TOX: variants seen among roughly 807,000 people sequenced by gnomAD.
TOX encodes thymocyte selection associated high mobility group box.
A neutral mutation model predicts 53.7 loss-of-function variants in TOX; 11 were observed. The ratio of observed to expected loss-of-function variants is 0.20; its 90% confidence interval spans 0.13 to 0.34. TOX has a LOEUF of 0.34. Among genes scored for constraint, TOX ranks in the 10% least tolerant of loss-of-function variants. TOX has a pLI of 1.00. For missense variants in TOX, 570 were observed against 664.6 expected, an observed-to-expected ratio of 0.86 and a Z score of 1.56; for synonymous variants, 225 against 245.3, an observed-to-expected ratio of 0.92 and a Z score of 0.77.
intron 2 of TOX, among the ~76,000 whole-genome samples, chr8:58,955,303 T>C (rs1048011319): frequency 1.8e-4 from 28 of 152,026 alleles, no homozygotes; most frequent in Admixed American, 1.6e-3. Context: ...GGGTTTACTA[T>C]AATGCTCATA....
chr8:58,866,385 T>G (rs980848940), intron 3 of TOX, among the ~76,000 whole-genome samples: 5 of 152,224 alleles, frequency 3.3e-5, no homozygotes, highest in African/African-American at 1.2e-4. Context: ...ATTACCAGAC[T>G]GATAAGCCTC....
intron 1 of TOX, among the ~76,000 whole-genome samples, chr8:58,960,966 T>C (rs1225015785): frequency 2.0e-5 from 3 of 152,232 alleles, no homozygotes; most frequent in Non-Finnish European, 2.9e-5. Context: ...TATACTTTCA[T>C]TGGTGGACTA....
At chr8:58,999,798 T>C (rs561648197) in intron 1 of TOX, among the ~76,000 whole-genome samples, 2 of 152,234 alleles carry the variant, frequency 1.3e-5, no homozygotes, top group East Asian at 3.9e-4. Context: ...TAGAGAAAAT[T>C]AGGTTTATTA....
intron 1 of TOX, among the ~76,000 whole-genome samples, chr8:59,011,398 T>C (rs567396991): frequency 3.3e-5 from 5 of 152,332 alleles, no homozygotes; most frequent in East Asian, 1.9e-4. Context: ...CATGCCAGGC[T>C]CACTCTCTAA....
At chr8:58,966,341 G>A (rs1448204044) in intron 1 of TOX, among the ~76,000 whole-genome samples, 1 of 152,204 alleles carries the variant, frequency 6.6e-6, no homozygotes. Context: ...AGAAAAGAAA[G>A]CGGAGTTACT....
intron 3 of TOX, among the ~76,000 whole-genome samples, chr8:58,907,654 G>T (rs572348123): frequency 1.3e-5 from 2 of 152,216 alleles, no homozygotes; most frequent in South Asian, 4.2e-4. Context: ...CAAGCATGAA[G>T]GCACATACAA....
chr8:58,843,278 C>T (rs1810674256), intron 4 of TOX, among the ~76,000 whole-genome samples: 1 of 152,188 alleles, frequency 6.6e-6, no homozygotes. Flanking sequence ...CTAAAGGATA[C>T]ACATAAAATA....
intron 1 of TOX, among the ~76,000 whole-genome samples, chr8:59,108,053 A>G (rs1366155735): frequency 1.1e-4 from 17 of 152,174 alleles, no homozygotes; most frequent in Admixed American, 1.0e-3. Context: ...AAGTACTCCT[A>G]TTCATTTACT....
intron 3 of TOX, among the ~76,000 whole-genome samples, chr8:58,871,426 T>C (rs1250980216): frequency 6.6e-6 from 1 of 152,100 alleles, no homozygotes; most frequent in Non-Finnish European, 1.5e-5. Flanking sequence ...TTTAGGACAT[T>C]GGGGGAATCT....
At chr8:58,826,256 A>G (rs1810364694) in intron 6 of TOX, among the ~76,000 whole-genome samples, 1 of 152,230 alleles carries the variant, frequency 6.6e-6, no homozygotes, top group Non-Finnish European at 1.5e-5. Context: ...TACCTTCTGA[A>G]GAATTCCATA....
At chr8:58,884,792 T>C (rs921792805) in intron 3 of TOX, among the ~76,000 whole-genome samples, 9 of 152,164 alleles carry the variant, frequency 5.9e-5, no homozygotes, top group Non-Finnish European at 1.3e-4. Flanking sequence ...TTAAATTTCT[T>C]TTAGCTTTAC....
chr8:59,093,005 T>G (rs1317784203), intron 1 of TOX, among the ~76,000 whole-genome samples: 2 of 151,942 alleles, frequency 1.3e-5, no homozygotes, highest in Non-Finnish European at 2.9e-5. Context: ...GCAAGGGGGA[T>G]CCCAACACCA....
At chr8:58,865,867 C>T (rs1454872965) in intron 3 of TOX, among the ~76,000 whole-genome samples, 11 of 55,810 alleles carry the variant, frequency 2.0e-4, no homozygotes, top group Non-Finnish European at 2.1e-4. Flanking sequence ...CAGAGTCTCA[C>T]TCTGTCGTCC....
intron 3 of TOX, among the ~76,000 whole-genome samples, chr8:58,915,262 C>G (rs1337093580): frequency 7.1e-6 from 1 of 141,842 alleles, no homozygotes; most frequent in Non-Finnish European, 1.5e-5. Flanking sequence ...CACAGACAAA[C>G]AAAAAGACAG....
intron 1 of TOX, among the ~76,000 whole-genome samples, chr8:59,098,971 G>C (rs1283248515): frequency 2.0e-5 from 3 of 152,164 alleles, no homozygotes; most frequent in African/African-American, 7.2e-5. Flanking sequence ...GGAACTAGCT[G>C]CAATCATGTT....
chr8:58,906,807 T>C (rs999434387), intron 3 of TOX, among the ~76,000 whole-genome samples: 2 of 152,222 alleles, frequency 1.3e-5, no homozygotes, highest in African/African-American at 4.8e-5. Context: ...TTGCTTTCTT[T>C]CCTTCAAGAT....
intron 1 of TOX, among the ~76,000 whole-genome samples, chr8:59,101,412 T>A (rs1265241101): frequency 6.6e-6 from 1 of 152,230 alleles, no homozygotes; most frequent in Admixed American, 6.5e-5. Context: ...ATGGCAAATG[T>A]TCTAAAACCC....
intron 1 of TOX, among the ~76,000 whole-genome samples, chr8:58,963,306 G>GAT (rs74274681): frequency 1.7e-4 from 22 of 131,674 alleles, no homozygotes; most frequent in Middle Eastern, 4.1e-3. Context: ...TAGATAGATA[G>GAT]ATATATATAT....
At chr8:59,009,888 CAA>C (rs1813868795) in intron 1 of TOX, among the ~76,000 whole-genome samples, 1 of 152,132 alleles carries the variant, frequency 6.6e-6, no homozygotes, top group African/African-American at 2.4e-5. Flanking sequence ...GTGAAACTAA[CAA>C]GAGATATGTA....
Sources: allele counts gnomAD v4.1 joint callset (sites outside exome capture counted in the v4.1 genomes callset), GRCh38; gene constraint gnomAD v4.1.1; transcripts MANE v1.5; gene names NCBI Gene and HGNC (gene_info 2026-07-23, HGNC 2026-07-21).